The following TPO variants were observed in gnomAD, a reference collection of about 807,000 sequenced individuals.
TPO encodes the protein thyroid peroxidase.
A neutral mutation model predicts 96.9 loss-of-function variants in TPO; 78 were observed. The observed-to-expected ratio is 0.81, with a 90% CI of 0.67 to 0.97. The LOEUF is 0.97. Ranked by LOEUF, TPO falls within the 50% of genes least tolerant of loss-of-function variation. The pLI is 0.00. For synonymous variants in TPO, 547 were observed against 538.0 expected (o/e 1.02, Z -0.23); for missense variants, 1,252 against 1,274.8 (o/e 0.98, Z 0.27).
intron 2 of TPO, among the ~76,000 whole-genome samples, chr2:1,422,316 A>AGACCTCGTGCAGCCGCCTCTCCTGGACT (rs1663681819): frequency 1.5e-5 from 1 of 68,368 alleles, no homozygotes; most frequent in African/African-American, 5.7e-5. Flanking sequence ...TCTCCTGGAC[A>AGACCTCGTGCAGCCGCCTCTCCTGGACT]GACCTCGTGC....
chr2:1,523,392 G>T (rs1675641415), intron 15 of TPO, among the ~76,000 whole-genome samples: 1 of 99,846 alleles, frequency 1.0e-5, no homozygotes, highest in Admixed American at 1.3e-4. Flanking sequence ...ACCTCCCATT[G>T]TGTGCAAACA....
intron 5 of TPO, among the ~76,000 whole-genome samples, chr2:1,441,418 G>A (rs763961928): frequency 7.2e-5 from 11 of 152,156 alleles, no homozygotes; most frequent in Non-Finnish European, 1.0e-4. Context: ...GTGCATGCAC[G>A]GCAAGCTGGT....
At chr2:1,537,455 C>A (rs1195364441) in intron 15 of TPO, among the ~76,000 whole-genome samples, 1 of 149,194 alleles carries the variant, frequency 6.7e-6, no homozygotes, top group African/African-American at 2.5e-5. Context: ...AATCTCCCCA[C>A]TGTGTGCAAC....
intron 7 of TPO, among the ~76,000 whole-genome samples, chr2:1,462,757 T>A (rs957826915): frequency 6.6e-6 from 1 of 152,186 alleles, no homozygotes; most frequent in East Asian, 1.9e-4. Context: ...ACCACAAGAA[T>A]CTTCCCTAGG....
chr2:1,433,747 C>A, intron 4 of TPO, 140 bp downstream of exon 4: 1 of 973,194 alleles, frequency 1.0e-6, no homozygotes, highest in Non-Finnish European at 1.5e-6. Context: ...TCAAAGCATA[C>A]AAGCTGCAAT....
At chr2:1,445,657 C>G (rs71440652) in intron 5 of TPO, among the ~76,000 whole-genome samples, 1 of 134,322 alleles carries the variant, frequency 7.4e-6, no homozygotes, top group Middle Eastern at 6.7e-3. Context: ...TTTGTATGAT[C>G]CAGTCATTGC....
intron 5 of TPO, among the ~76,000 whole-genome samples, chr2:1,440,750 A>G (rs1395554206): frequency 1.3e-5 from 2 of 151,390 alleles, no homozygotes; most frequent in Non-Finnish European, 2.9e-5. Flanking sequence ...TGATCTAGTC[A>G]GTGCCGCAGG....
At chr2:1,451,456 A>G (rs1667292736) in intron 5 of TPO, among the ~76,000 whole-genome samples, 1 of 152,228 alleles carries the variant, frequency 6.6e-6, no homozygotes, top group African/African-American at 2.4e-5. Flanking sequence ...TCTTGTCACG[A>G]TTCTTGTAGA....
Position 1,445,547 on chromosome 2 carries a change from A to C in TPO, c.483-8147A>C, listed in dbSNP as rs528616904. On this transcript the variant is annotated intron_variant, in intron 5 of 16. Transcript: ENST00000329066. ...TGATCCAGTCATTGCTGCAGGAGGT[A>C]CCATGTTGGAAGGGAATGGGGCAGG... 1.8e-3 allele frequency among the ~76,000 whole-genome samples: 239 copies of C among 131,006 alleles called. 1 individual carries two copies. The highest frequency in any genetic ancestry group is 5.2e-3 in the Admixed American group (67 of 12,956). The allele number at this position is 131,006 out of a possible 152,430, so 85.9% of individuals were successfully genotyped here.
intron 13 of TPO, among the ~76,000 whole-genome samples, chr2:1,502,570 A>G (rs1229871871): frequency 6.6e-6 from 1 of 151,866 alleles, no homozygotes; most frequent in East Asian, 1.9e-4. Flanking sequence ...TTGTATTTTT[A>G]GTGGAGATGG....
Position 1,493,793 on chromosome 2 carries a change from C to T in TPO, c.1769-9C>T. On this transcript the variant is annotated splice_polypyrimidine_tract_variant and intron_variant, in intron 10 of 16. Coordinates refer to ENST00000329066, the MANE Select transcript of TPO (RefSeq NM_001206744.2). ...GTGAGAGAAACCCTGCAGCCTCTCC[C>T]CTGTGCAGGTTACAATGAGTGGAGG... 1 of 1,613,760 alleles carries T rather than the reference C, an allele frequency of 6.2e-7. No individual in the cohort carries two copies. Among genetic ancestry groups the T allele is most frequent in the Non-Finnish European group, 8.5e-7 (1 of 1,179,718 alleles).
At chr2:1,504,857 ACT>A (rs1211851600) in intron 14 of TPO, among the ~76,000 whole-genome samples, 4 of 152,084 alleles carry the variant, frequency 2.6e-5, no homozygotes, top group African/African-American at 9.7e-5. Flanking sequence ...TATTTACCAG[ACT>A]CAAGTTACAG....
At position 1,453,776 on chromosome 2, in the gene TPO, C is replaced by T. The variant is rs957075099; in HGVS notation, c.565C>T (p.Arg189Ter). The change falls in exon 6 of 17, where the codon CGA becomes TGA. Residue 189 changes from arginine (R) to a stop codon, truncating the protein, a stop_gained. Coordinates refer to ENST00000329066, the MANE Select transcript of TPO (RefSeq NM_001206744.2). LOFTEE classifies it high-confidence loss of function. Reference protein sequence around the residue: ...PVYEDGFSQPRGWNPGFLYNG... With the variant: ...PVYEDGFSQP ...CTATGAGGACGGCTTCAGTCAGCCC[C>T]GAGGCTGGAACCCCGGCTTCTTGTA... The T allele has an allele frequency of 1.9e-6, 3 of 1,613,762 alleles. No homozygotes were observed. Among genetic ancestry groups the T allele is most frequent in the Admixed American group, 1.7e-5 (1 of 60,006 alleles).
Position 1,496,871 on chromosome 2 carries a change from CTG to C in TPO, c.2386+108_2386+109del, listed in dbSNP as rs931924804. On this transcript the variant is annotated intron_variant, in intron 13 of 16. Coordinates refer to ENST00000329066, the MANE Select transcript of TPO (RefSeq NM_001206744.2). ...TCTTCGCCAAAAGGTGCTTCTGAAA[CTG>C]TTATCTTCCCAGGAGCAATCTGGGG... 13 of 1,530,600 alleles carry C rather than the reference CTG, an allele frequency of 8.5e-6. No individual in the cohort carries two copies. The African/African-American group carries it at 1.1e-4, about 13-fold the overall frequency. 94.8% of individuals were successfully genotyped at this position (1,530,600 alleles called of 1,614,324 possible).
chr2:1,493,117 C>A (rs1282458969), intron 10 of TPO, among the ~76,000 whole-genome samples: 3 of 148,938 alleles, frequency 2.0e-5, no homozygotes, highest in Non-Finnish European at 4.4e-5. Context: ...AGGGATTCAC[C>A]AGGGCTCCCA....
Position 1,432,454 on chromosome 2 carries a change from G to A in TPO, c.180-984G>A, listed in dbSNP as rs189562922. Among the ~76,000 whole-genome samples, 183 of 152,318 alleles carry A rather than the reference G, an allele frequency of 1.2e-3. 2 individuals carry two copies. Among genetic ancestry groups the A allele is most frequent in the African/African-American group, 3.4e-3 (143 of 41,580 alleles). ...GAATCTAAAAAGGCCAGGTGCTTGT[G>A]TGGGAGACCAGGAGTAAGGGGAGGC... On this transcript the variant is annotated intron_variant, in intron 3 of 16. Coordinates refer to ENST00000329066, the MANE Select transcript of TPO (RefSeq NM_001206744.2).
At position 1,440,184 on chromosome 2, in the gene TPO, G is replaced by A. The variant is rs6755275; in HGVS notation, c.482+3800G>A. ...GTTTCCACCGTGCTGCGTTTCCACC[G>A]TGCTGCATTTCCTGCATTCCAAAGC... On this transcript the variant is annotated intron_variant, in intron 5 of 16. Coordinates refer to ENST00000329066, the MANE Select transcript of TPO (RefSeq NM_001206744.2). Among the ~76,000 whole-genome samples, 9 of 131,006 alleles carry A rather than the reference G, an allele frequency of 6.9e-5. No homozygotes were observed. In the East Asian group the frequency reaches 1.4e-3, roughly 21 times the overall value. The allele number at this position is 131,006 out of a possible 152,430, so 85.9% of individuals were successfully genotyped here.
At position 1,469,743 on chromosome 2, in the gene TPO, G is replaced by A. The variant is rs573414063; in HGVS notation, c.820-7343G>A. 1.6e-4 allele frequency among the ~76,000 whole-genome samples: 24 copies of A among 152,272 alleles called. No individual in the cohort carries two copies. The South Asian group carries it at 5.0e-3, about 32-fold the overall frequency. ...CCCGTAATCTAGACCTTCAGGTTCC[G>A]CAGTGGGGGTGCATGTTCAGGGTGG... On this transcript the variant is annotated intron_variant, in intron 7 of 16. Coordinates refer to ENST00000329066, the MANE Select transcript of TPO (RefSeq NM_001206744.2).
chr2:1,535,764 C>G (rs1679501765), intron 15 of TPO, among the ~76,000 whole-genome samples: 1 of 99,568 alleles, frequency 1.0e-5, no homozygotes, highest in Non-Finnish European at 2.1e-5. Flanking sequence ...TCTGTGCAAC[C>G]TCCCGAAATC....
Sources: allele counts gnomAD v4.1 joint callset (sites outside exome capture counted in the v4.1 genomes callset), GRCh38; gene constraint gnomAD v4.1.1; transcripts MANE v1.5; gene names NCBI Gene and HGNC (gene_info 2026-07-23, HGNC 2026-07-21).